The following C2CD3 variants were observed in gnomAD, a reference collection of about 807,000 sequenced individuals.
C2CD3 encodes C2 domain-containing protein 3.
Under a neutral mutation model 234.0 loss-of-function variants are expected in C2CD3, and 148 were observed. That is an observed-to-expected ratio of 0.63 (90% CI 0.55 to 0.72). C2CD3 has a LOEUF of 0.72. Ranked by LOEUF, C2CD3 falls within the 30% of genes least tolerant of loss-of-function variation. C2CD3 has a pLI of 0.00. For missense variants in C2CD3, 2,577 were observed against 2,811.5 expected (o/e 0.92, Z 1.89); for synonymous variants, 1,000 against 1,035.4 (o/e 0.97, Z 0.66).
chr11:74,035,716 T>G (rs1009609503), intron 30 of C2CD3, among the ~76,000 whole-genome samples: 13 of 152,052 alleles, frequency 8.5e-5, no homozygotes, highest in African/African-American at 2.9e-4. Context: ...GCTGTTTTTT[T>G]TTTTTGAATG....
At chr11:74,122,345 T>G (rs1329704289) in intron 8 of C2CD3, among the ~76,000 whole-genome samples, 1 of 152,224 alleles carries the variant, frequency 6.6e-6, no homozygotes, top group Non-Finnish European at 1.5e-5. Context: ...CCTCACTGGC[T>G]TACTACTGGG....
intron 4 of C2CD3, 49 bp downstream of exon 4, chr11:74,139,556 T>C (rs771134683): frequency 1.6e-6 from 2 of 1,234,218 alleles, no homozygotes; most frequent in Admixed American, 3.4e-5. Context: ...AAATCACAAC[T>C]ACAGTGCAGT....
At position 74,057,405 on chromosome 11, in the gene C2CD3, C is replaced by A; in HGVS notation, c.5090+1G>T. ...GCTGACGAATAACGGATAACACAAA[C>A]CTTGACTGCTGTTGAAAATTCCAGA... On this transcript the variant is annotated splice_donor_variant, in intron 25 of 32. Transcript: ENST00000334126. LOFTEE classifies it high-confidence loss of function. 6.2e-7 allele frequency: 1 copy of A among 1,614,100 alleles called. No homozygotes were observed.
At chr11:74,035,377 A>T (rs955161818) in intron 30 of C2CD3, among the ~76,000 whole-genome samples, 1 of 152,228 alleles carries the variant, frequency 6.6e-6, no homozygotes. Flanking sequence ...CTTCAAGGCC[A>T]TGTTCTATTG....
At chr11:74,143,311 T>C (rs1854933110) in intron 3 of C2CD3, among the ~76,000 whole-genome samples, 1 of 152,126 alleles carries the variant, frequency 6.6e-6, no homozygotes, top group South Asian at 2.1e-4. Flanking sequence ...ATCATGTTGG[T>C]CAATGCAGCA....
chr11:74,107,278 C>A (rs1956559953), intron 12 of C2CD3, among the ~76,000 whole-genome samples: 1 of 151,624 alleles, frequency 6.6e-6, no homozygotes, highest in Non-Finnish European at 1.5e-5. Context: ...TAAGCTGAGA[C>A]CATGCCATTG....
At position 74,045,577 on chromosome 11, in the gene C2CD3, C is replaced by T. The variant is rs978720383; in HGVS notation, c.5495+2628G>A. Reference sequence around the variant, plus strand: ...CTTTTTCAATTTTCTTTTTTCTTTCCTTTTTTTTTTGGCAGACAGGGTCTT... The same window carrying T: ...CTTTTTCAATTTTCTTTTTTCTTTCTTTTTTTTTTTGGCAGACAGGGTCTT... On this transcript the variant is annotated intron_variant, in intron 28 of 32. Coordinates refer to ENST00000334126, the MANE Select transcript of C2CD3 (RefSeq NM_001286577.2). Among the ~76,000 whole-genome samples, 92 of 144,678 alleles carry T rather than the reference C, an allele frequency of 6.4e-4. 2 individuals carry two copies. The highest frequency in any genetic ancestry group is 2.4e-3 in the African/African-American group (90 of 36,838). 94.9% of individuals were successfully genotyped at this position (144,678 alleles called of 152,430 possible).
intron 24 of C2CD3, among the ~76,000 whole-genome samples, chr11:74,065,998 G>A (rs1374674957): frequency 1.3e-5 from 2 of 151,150 alleles, no homozygotes; most frequent in African/African-American, 2.4e-5. Context: ...CACCAACATG[G>A]CACATGTATA....
chr11:74,028,043 T>G (rs951188626), intron 32 of C2CD3, among the ~76,000 whole-genome samples: 2 of 152,174 alleles, frequency 1.3e-5, no homozygotes, highest in Non-Finnish European at 2.9e-5. Context: ...TCTGCACAGC[T>G]TTTTTCTTCC....
intron 28 of C2CD3, 84 bp from the exon 29 acceptor site, chr11:74,042,302 C>G: frequency 7.3e-7 from 1 of 1,363,646 alleles, no homozygotes. Flanking sequence ...ATAAACAAAT[C>G]ACTATCCTGA....
Position 74,139,839 on chromosome 11 carries a change from C to T in C2CD3, c.484-11G>A. The T allele has an allele frequency of 2.6e-6, 4 of 1,545,628 alleles. No individual in the cohort carries two copies. Among genetic ancestry groups the T allele is most frequent in the African/African-American group, 1.4e-5 (1 of 73,588 alleles). On this transcript the variant is annotated splice_polypyrimidine_tract_variant and intron_variant, in intron 3 of 32. Coordinates refer to ENST00000334126, the MANE Select transcript of C2CD3 (RefSeq NM_001286577.2). ...CAGGGCAAGTGAGACCTAAGAGAGACAGGTAGTATATGAGAAATTTTCTTT... is the reference window on the plus strand; with the variant it reads ...CAGGGCAAGTGAGACCTAAGAGAGATAGGTAGTATATGAGAAATTTTCTTT...
intron 11 of C2CD3, chr11:74,109,382 C>T (rs1438857872): frequency 7.1e-6 from 3 of 419,738 alleles, no homozygotes; most frequent in Non-Finnish European, 1.3e-5. Flanking sequence ...TGTTGCTCCG[C>T]TTTGCCATGA....
intron 3 of C2CD3, among the ~76,000 whole-genome samples, chr11:74,152,591 A>G (rs147685007): frequency 6.6e-6 from 1 of 152,358 alleles, no homozygotes; most frequent in African/African-American, 2.4e-5. Context: ...CTACAGATTA[A>G]TATCTCTCCT....
At chr11:74,018,418 A>AGT (rs1951955435) in intron 32 of C2CD3, among the ~76,000 whole-genome samples, 1 of 152,152 alleles carries the variant, frequency 6.6e-6, no homozygotes, top group Admixed American at 6.5e-5. Flanking sequence ...CTTTGGTAAC[A>AGT]GTGAGCCTCT....
rs1034559755 is a variant in C2CD3, at chr11:74,111,937, C to T, written c.1843+1843G>A. On this transcript the variant is annotated intron_variant, in intron 11 of 32. Transcript: ENST00000334126. ...TTGCTGATACACACACACACACACA[C>T]ACACACACACACACACACACACACA... 2.0e-3 allele frequency among the ~76,000 whole-genome samples: 275 copies of T among 136,384 alleles called. 5 individuals carry two copies. The highest frequency in any genetic ancestry group is 7.2e-3 in the African/African-American group (254 of 35,152). 89.5% of individuals were successfully genotyped at this position (136,384 alleles called of 152,430 possible).
rs563446832 is a variant in C2CD3, at chr11:74,065,353, C to T, written c.4952-7809G>A. On this transcript the variant is annotated intron_variant, in intron 24 of 32. Coordinates refer to ENST00000334126, the MANE Select transcript of C2CD3 (RefSeq NM_001286577.2). Reference sequence around the variant, plus strand: ...GCCGTCAGAGAAATGCAAATCAAAACCACAGTGAGATACCATCTCACACCA... The same window carrying T: ...GCCGTCAGAGAAATGCAAATCAAAATCACAGTGAGATACCATCTCACACCA... Among the ~76,000 whole-genome samples, 7 of 152,238 alleles carry T rather than the reference C, an allele frequency of 4.6e-5. 1 individual carries two copies. In the South Asian group the frequency reaches 1.5e-3, roughly 32 times the overall value.
At chr11:74,166,626 T>C (rs1856832572) in intron 2 of C2CD3, among the ~76,000 whole-genome samples, 1 of 152,218 alleles carries the variant, frequency 6.6e-6, no homozygotes, top group East Asian at 1.9e-4. Flanking sequence ...CATATGATAT[T>C]ACTATATGTG....
chr11:74,085,560 T>C, intron 21 of C2CD3, 58 bp downstream of exon 21: 3 of 1,560,414 alleles, frequency 1.9e-6, no homozygotes, highest in Non-Finnish European at 1.8e-6. Context: ...GGAAGGGCTA[T>C]ACTATTCACA....
In C2CD3 at chr11:74,014,012, G is replaced by T. The variant is rs144492225; in HGVS notation, c.6922-487C>A. On this transcript the variant is annotated intron_variant, in intron 32 of 32. Transcript: ENST00000334126. The stretch of plus-strand genomic sequence containing the variant: ...TTGGCCCTTTGGAGCTCCTGGAGTT[G>T]CCAGGTGACATAAAGCACCTACCTA... Among the ~76,000 whole-genome samples, 247 of 152,286 alleles carry T rather than the reference G, an allele frequency of 1.6e-3. 5 individuals are homozygous for T. In the East Asian group the frequency reaches 0.037, roughly 23 times the overall value.
Sources: gnomAD v4.1 joint callset for allele counts (sites outside exome capture counted in the v4.1 genomes callset) on GRCh38, gnomAD v4.1.1 for gene constraint, MANE v1.5 for transcripts, NCBI Gene and HGNC (gene_info 2026-07-23, HGNC 2026-07-21) for gene names.